The following PIP4K2B variants were observed in gnomAD, a reference collection of about 807,000 sequenced individuals.
PIP4K2B encodes the protein phosphatidylinositol 5-phosphate 4-kinase type-2 beta.
Under a neutral mutation model 42.0 loss-of-function variants are expected in PIP4K2B, and 3 were observed. The observed-to-expected ratio is 0.07, with a 90% confidence interval of 0.03 to 0.18. PIP4K2B has a LOEUF of 0.18. Ranked by LOEUF, PIP4K2B falls within the 10% of genes least tolerant of loss-of-function variation. The pLI is 1.00. For synonymous variants in PIP4K2B, 204 were observed against 210.1 expected (o/e 0.97, Z 0.25); for missense variants, 332 against 562.3 (o/e 0.59, Z 4.14).
rs767068184 is a variant in PIP4K2B, at chr17:38,786,933, G to A, written c.160-13C>T. On this transcript the variant is annotated splice_polypyrimidine_tract_variant and intron_variant, in intron 1 of 9. Transcript: ENST00000619039. ...TCAGCTCATTGATCTGAAAAGCAAGGAGAACGTAAGGCTCTCAGCCAGGAG... is the reference window on the plus strand; with the variant it reads ...TCAGCTCATTGATCTGAAAAGCAAGAAGAACGTAAGGCTCTCAGCCAGGAG... The A allele has an allele frequency of 6.3e-7, 1 of 1,581,206 alleles. No individual in the cohort carries two copies. The highest frequency in any genetic ancestry group is 8.7e-7 in the Non-Finnish European group (1 of 1,149,956).
At position 38,777,741 on chromosome 17, in the gene PIP4K2B, A is replaced by G. The variant is rs771831557; in HGVS notation, c.753T>C (p.His251=). 1 of 1,614,202 alleles carries G rather than the reference A, an allele frequency of 6.2e-7. No homozygotes were observed. The highest frequency in any genetic ancestry group is 2.2e-5 in the East Asian group (1 of 44,888). ...AGTTCTTTTTACTCTCCTCTCCCAC[A>G]TGCAGCTTCTGCCCTTCATTGAGGA... ...NDFLNEGQKL[H]VGEESKKNFL... The change falls in exon 7 of 10, where the codon CAT becomes CAC. Residue 251 remains histidine, a synonymous_variant. Coordinates refer to ENST00000619039, the MANE Select transcript of PIP4K2B (RefSeq NM_003559.5).
chr17:38,771,412 C>A, intron 7 of PIP4K2B, 140 bp from the exon 8 acceptor site: 1 of 916,390 alleles, frequency 1.1e-6, no homozygotes, highest in Non-Finnish European at 1.6e-6. Context: ...AGTAAGGCAT[C>A]AGAGCACCCG....
intron 7 of PIP4K2B, among the ~76,000 whole-genome samples, chr17:38,774,774 AAAAT>A (rs1909235741): frequency 6.6e-6 from 1 of 152,028 alleles, no homozygotes; most frequent in Admixed American, 6.5e-5. Flanking sequence ...TGTCTCAAAA[AAAAT>A]AAATAAATAA....
chr17:38,797,040 C>T (rs1405646473), intron 1 of PIP4K2B, among the ~76,000 whole-genome samples: 1 of 152,214 alleles, frequency 6.6e-6, no homozygotes, highest in Non-Finnish European at 1.5e-5. Context: ...AAACTTACGA[C>T]TAACTGGCCT....
chr17:38,777,440 A>G (rs948780159), intron 7 of PIP4K2B, among the ~76,000 whole-genome samples: 21 of 152,186 alleles, frequency 1.4e-4, no homozygotes, highest in African/African-American at 4.8e-4. Flanking sequence ...GTTGGAATGA[A>G]TTAGTGAAAA....
At chr17:38,775,681 C>T (rs1333136566) in intron 7 of PIP4K2B, among the ~76,000 whole-genome samples, 2 of 152,012 alleles carry the variant, frequency 1.3e-5, no homozygotes, top group Non-Finnish European at 2.9e-5. Context: ...CATGGTGAAA[C>T]CCCGTCTCCA....
chr17:38,792,162 G>GATTGATTGATTA (rs1439704749), intron 1 of PIP4K2B, among the ~76,000 whole-genome samples: 1 of 151,846 alleles, frequency 6.6e-6, no homozygotes, highest in East Asian at 1.9e-4. Flanking sequence ...TTGATTGATT[G>GATTGATTGATTA]ATTGAGACAG....
intron 5 of PIP4K2B, among the ~76,000 whole-genome samples, chr17:38,779,107 G>A (rs981174162): frequency 4.6e-5 from 7 of 152,214 alleles, no homozygotes; most frequent in East Asian, 1.9e-4. Flanking sequence ...AAGTGCATGC[G>A]TCAGCACGGC....
At chr17:38,774,446 C>A (rs975456314) in intron 7 of PIP4K2B, among the ~76,000 whole-genome samples, 1 of 152,128 alleles carries the variant, frequency 6.6e-6, no homozygotes, top group Non-Finnish European at 1.5e-5. Flanking sequence ...TCGTTGGTAT[C>A]CATAATCCCA....
intron 4 of PIP4K2B, among the ~76,000 whole-genome samples, chr17:38,780,245 C>T (rs1224639155): frequency 2.0e-5 from 3 of 152,170 alleles, no homozygotes; most frequent in East Asian, 1.9e-4. Flanking sequence ...AGTCAGTCAG[C>T]GATGAGCCTT....
chr17:38,776,729 T>C (rs1397664284), intron 7 of PIP4K2B: 1 of 369,934 alleles, frequency 2.7e-6, no homozygotes, highest in African/African-American at 2.1e-5. Flanking sequence ...GTTTGTAGGA[T>C]TTGGTTTTAA....
At chr17:38,783,483 C>T (rs1440160045) in intron 3 of PIP4K2B, among the ~76,000 whole-genome samples, 2 of 152,190 alleles carry the variant, frequency 1.3e-5, no homozygotes, top group African/African-American at 4.8e-5. Context: ...GGATAGGGCA[C>T]AAGTTTAGGA....
intron 1 of PIP4K2B, among the ~76,000 whole-genome samples, chr17:38,788,350 G>A (rs1384574329): frequency 2.6e-5 from 4 of 151,840 alleles, no homozygotes; most frequent in East Asian, 2.0e-4. Flanking sequence ...ACAGGTGCCC[G>A]ACACCACACC....
chr17:38,779,542 G>C lies in PIP4K2B; in HGVS notation c.508-13C>G, dbSNP rs1567656442. The C allele has an allele frequency of 3.7e-6, 6 of 1,608,770 alleles. No homozygotes were observed. Among genetic ancestry groups the C allele is most frequent in the Admixed American group, 1.7e-5 (1 of 59,958 alleles). On this transcript the variant is annotated splice_polypyrimidine_tract_variant and intron_variant, in intron 4 of 9. Transcript: ENST00000619039. The stretch of plus-strand genomic sequence containing the variant: ...ACTCCACTATAAACTAGAATGGAAA[G>C]GAAGAAGAGAGAGGACTAAGGAACA...
intron 3 of PIP4K2B, among the ~76,000 whole-genome samples, chr17:38,781,547 C>T (rs1235985601): frequency 2.6e-5 from 4 of 152,152 alleles, no homozygotes; most frequent in Non-Finnish European, 5.9e-5. Flanking sequence ...GACAGGGTCT[C>T]ACTCTGTCAC....
At chr17:38,788,001 A>G (rs1478416364) in intron 1 of PIP4K2B, among the ~76,000 whole-genome samples, 1 of 152,204 alleles carries the variant, frequency 6.6e-6, no homozygotes, top group Non-Finnish European at 1.5e-5. Flanking sequence ...AATATTTGTC[A>G]TATGCAATAA....
chr17:38,789,679 G>GT (rs1910240782), intron 1 of PIP4K2B, among the ~76,000 whole-genome samples: 2 of 152,174 alleles, frequency 1.3e-5, no homozygotes, highest in South Asian at 4.1e-4. Context: ...AGTTAATGCA[G>GT]TAACTGGGCT....
At chr17:38,790,289 T>C (rs970267630) in intron 1 of PIP4K2B, among the ~76,000 whole-genome samples, 9 of 152,298 alleles carry the variant, frequency 5.9e-5, no homozygotes, top group Middle Eastern at 3.4e-3. Flanking sequence ...ATTCCACTTC[T>C]TTGTTTTTCT....
At position 38,768,260 on chromosome 17, in the gene PIP4K2B, T is replaced by C. The variant is rs1795599275; in HGVS notation, c.*1431A>G. On this transcript the variant is annotated 3_prime_UTR_variant, in exon 10 of 10. Coordinates refer to ENST00000619039, the MANE Select transcript of PIP4K2B (RefSeq NM_003559.5). ...CAATGCAGAACAACAGAGCTGTTTCTCTCCTGGCCAGAGCAGCCTGTGGCT... is the reference window on the plus strand; with the variant it reads ...CAATGCAGAACAACAGAGCTGTTTCCCTCCTGGCCAGAGCAGCCTGTGGCT... 6.6e-6 allele frequency: 1 copy of C among 152,290 alleles called. No individual in the cohort carries two copies. The highest frequency in any genetic ancestry group is 2.1e-4 in the South Asian group (1 of 4,836). The allele number at this position is 152,290 out of a possible 1,614,324, so 9.4% of individuals were successfully genotyped here. A position where few individuals can be genotyped will look rare whatever the true frequency, so the allele number is the denominator to read the frequency against.
Sources: allele counts gnomAD v4.1 joint callset (sites outside exome capture counted in the v4.1 genomes callset), GRCh38; gene constraint gnomAD v4.1.1; transcripts MANE v1.5; gene names NCBI Gene and HGNC (gene_info 2026-07-23, HGNC 2026-07-21).